TSHZ3: variants seen among roughly 807,000 people sequenced by gnomAD.
The protein encoded by TSHZ3 is teashirt zinc finger homeobox 3.
Under a neutral mutation model 64.5 loss-of-function variants are expected in TSHZ3, and 10 were observed. The ratio of observed to expected loss-of-function variants is 0.16; its 90% confidence interval spans 0.10 to 0.26. The LOEUF (loss-of-function observed/expected upper bound fraction) is 0.26, where lower values mean the gene tolerates loss of function less well. Among genes scored for constraint, TSHZ3 ranks in the 10% least tolerant of loss-of-function variants. The pLI is 1.00. For missense variants in TSHZ3, 1,242 were observed against 1,421.7 expected (o/e 0.87, Z 2.03); for synonymous variants, 608 against 593.1 (o/e 1.03, Z -0.36).
rs979271432 is a variant in TSHZ3 at position 31,206,783 on chromosome 19, C to T, written n.687-1705G>A. Among the ~76,000 whole-genome samples the T allele has an allele frequency of 2.8e-4, 42 of 152,164 alleles. 1 individual carries two copies. The highest frequency in any genetic ancestry group is 5.7e-4 in the Non-Finnish European group (39 of 68,030). On this transcript the variant is annotated intron_variant and non_coding_transcript_variant, in intron 4 of 6. Transcript: ENST00000651361. ...CATTAATTTAACACAGACAAAATGGCTATAGGGTGACAGAATCTCATCTCT... is the reference window on the plus strand; with the variant it reads ...CATTAATTTAACACAGACAAAATGGTTATAGGGTGACAGAATCTCATCTCT...
At chr19:31,329,987 GA>G (rs1005115620) in intron 1 of TSHZ3, among the ~76,000 whole-genome samples, 61 of 152,254 alleles carry the variant, frequency 4.0e-4, no homozygotes, top group Non-Finnish European at 5.6e-4. Context: ...AGAAAAAAAT[GA>G]AATTCCATTA....
intron 4 of TSHZ3, among the ~76,000 whole-genome samples, chr19:31,205,697 G>A (rs1975158124): frequency 6.6e-6 from 1 of 152,162 alleles, no homozygotes; most frequent in African/African-American, 2.4e-5. Flanking sequence ...CCTCCATCTG[G>A]GGCAGACTCA....
chr19:31,274,044 C>G (rs976549937), downstream of TSHZ3, among the ~76,000 whole-genome samples: 1 of 152,072 alleles, frequency 6.6e-6, no homozygotes, highest in Non-Finnish European at 1.5e-5. Context: ...ATTTGGACTC[C>G]TCTTGAGAAA....
At chr19:31,225,558 A>G (rs1975447944) in intron 4 of TSHZ3, among the ~76,000 whole-genome samples, 1 of 152,154 alleles carries the variant, frequency 6.6e-6, no homozygotes, top group Non-Finnish European at 1.5e-5. Flanking sequence ...ATCGTATAGG[A>G]ACAGGAGCAT....
At position 31,277,503 on chromosome 19, in the gene TSHZ3, C is replaced by T. The variant is rs1976263754; in HGVS notation, c.2290G>A (p.Ala764Thr). 1.9e-6 allele frequency: 3 copies of T among 1,607,142 alleles called. No homozygotes were observed. The highest frequency in any genetic ancestry group is 2.6e-6 in the Non-Finnish European group (3 of 1,175,470). The change falls in exon 2 of 2, where the codon GCC becomes ACC. Residue 764 changes from alanine (A) to threonine (T), a missense_variant. Physicochemically the swap from Ala to Thr is moderately conservative, Grantham distance 58. Transcript: ENST00000240587. This position sits in a 1 kb window ranked among gnomAD's most constrained non-coding sequence, Gnocchi z 4.5. ...TTGGACTGCAGGGGCGGCGGGGTGGCCACAGCAGCCTTCTCCGCCAGGCTG... is the reference window on the plus strand; with the variant it reads ...TTGGACTGCAGGGGCGGCGGGGTGGTCACAGCAGCCTTCTCCGCCAGGCTG... ...SNSLAEKAAV[A>T]TPPPLQSKKA...
intron 1 of TSHZ3, among the ~76,000 whole-genome samples, chr19:31,327,244 C>A (rs1304359848): frequency 6.6e-6 from 1 of 152,212 alleles, no homozygotes; most frequent in Non-Finnish European, 1.5e-5. Flanking sequence ...ACCTGTAGCT[C>A]GAGGTTCTAG....
intron 1 of TSHZ3, among the ~76,000 whole-genome samples, chr19:31,309,818 C>T (rs141107953): frequency 1.2e-4 from 19 of 152,240 alleles, no homozygotes; most frequent in African/African-American, 4.3e-4. Context: ...GGGATGGCCA[C>T]GGCATCCCTC....
chr19:31,331,783 C>T (rs756384565), intron 1 of TSHZ3, among the ~76,000 whole-genome samples: 8 of 152,152 alleles, frequency 5.3e-5, no homozygotes, highest in Admixed American at 2.6e-4. Flanking sequence ...TTTCACAGAA[C>T]GTCCATTTTA....
At chr19:31,308,463 C>T in intron 1 of TSHZ3, 1 of 392,448 alleles carries the variant, frequency 2.5e-6, no homozygotes, top group Non-Finnish European at 4.5e-6. Flanking sequence ...CCAGGGAGCC[C>T]ACAGCTTGGG....
At chr19:31,304,711 A>G (rs984935138) in intron 1 of TSHZ3, among the ~76,000 whole-genome samples, 3 of 152,214 alleles carry the variant, frequency 2.0e-5, no homozygotes, top group African/African-American at 7.2e-5. Flanking sequence ...GCAGAGCAGT[A>G]GACTTTGACA....
At chr19:31,282,914 C>T (rs1394982818) in intron 1 of TSHZ3, among the ~76,000 whole-genome samples, 2 of 152,216 alleles carry the variant, frequency 1.3e-5, no homozygotes, top group Admixed American at 6.5e-5. Context: ...CGCACACCCT[C>T]GTGGCTGTGA....
intron 1 of TSHZ3, among the ~76,000 whole-genome samples, chr19:31,321,627 A>C (rs531265482): frequency 6.6e-6 from 1 of 152,298 alleles, no homozygotes; most frequent in African/African-American, 2.4e-5. Context: ...CTAATGATGT[A>C]TCCTCGTTTC....
In TSHZ3 at chr19:31,278,218, G is replaced by T. The variant is rs1404939601; in HGVS notation, c.1575C>A (p.Ser525=). 6.2e-7 allele frequency: 1 copy of T among 1,614,012 alleles called. No homozygotes were observed. The highest frequency in any genetic ancestry group is 8.5e-7 in the Non-Finnish European group (1 of 1,180,004). ...TTGCGGATGTCACTGTGTTTTCCAA[G>T]GATTTGAGGATATCAAGCCCCCCCT... ...SPKGGLDILK[S]LENTVTSAIN... Residue 525 remains serine, a synonymous_variant, in exon 2 of 2, where the codon TCC becomes TCA. Coordinates refer to ENST00000240587, the MANE Select transcript of TSHZ3 (RefSeq NM_020856.4). This position sits in a 1 kb window ranked among gnomAD's most constrained non-coding sequence, Gnocchi z 4.7.
At chr19:31,208,593 C>T (rs574437082) in intron 4 of TSHZ3, among the ~76,000 whole-genome samples, 1 of 152,280 alleles carries the variant, frequency 6.6e-6, no homozygotes, top group Non-Finnish European at 1.5e-5. Flanking sequence ...GTAGCAATAC[C>T]TAACTTGCAG....
chr19:31,288,473 G>A (rs1976505092), intron 1 of TSHZ3, among the ~76,000 whole-genome samples: 1 of 152,170 alleles, frequency 6.6e-6, no homozygotes, highest in African/African-American at 2.4e-5. Context: ...GAAATGGCAG[G>A]AGGAGACAGG....
At chr19:31,168,446 C>T (rs1294755000) in intron 5 of TSHZ3, among the ~76,000 whole-genome samples, 1 of 152,172 alleles carries the variant, frequency 6.6e-6, no homozygotes, top group African/African-American at 2.4e-5. Flanking sequence ...GGCCAAGCTG[C>T]GATTGTCCAA....
At chr19:31,337,921 C>T (rs1049550790) in intron 1 of TSHZ3, among the ~76,000 whole-genome samples, 1 of 152,218 alleles carries the variant, frequency 6.6e-6, no homozygotes. Flanking sequence ...GGTAGAAAAA[C>T]TCTTCCGTTC....
At chr19:31,205,104 G>A (rs981723925) in intron 4 of TSHZ3, among the ~76,000 whole-genome samples, 1 of 152,142 alleles carries the variant, frequency 6.6e-6, no homozygotes, top group African/African-American at 2.4e-5. Flanking sequence ...AGATGAGCCA[G>A]TGAGGTGCCA....
chr19:31,311,611 T>C (rs1916461406), intron 1 of TSHZ3, among the ~76,000 whole-genome samples: 1 of 152,142 alleles, frequency 6.6e-6, no homozygotes, highest in Non-Finnish European at 1.5e-5. Flanking sequence ...ACGGGCTCCA[T>C]ACTGATCAAT....
Sources: allele counts gnomAD v4.1 joint callset (sites outside exome capture counted in the v4.1 genomes callset), GRCh38; gene constraint gnomAD v4.1.1; non-coding constraint Gnocchi (gnomAD v3.1); transcripts MANE v1.5; gene names NCBI Gene and HGNC (gene_info 2026-07-23, HGNC 2026-07-21).